Variants in ALKBH3 observed in about 807,000 individuals in gnomAD.
ALKBH3 encodes alkB homolog 3, alpha-ketoglutarate dependent dioxygenase, also known as alpha-ketoglutarate-dependent dioxygenase alkB homolog 3.
In ALKBH3, 51 loss-of-function variants were observed where a neutral mutation model predicts 43.9. The ratio of observed to expected loss-of-function variants is 1.16; its 90% CI spans 0.93 to 1.47. The LOEUF is 1.47. Ranked by LOEUF, ALKBH3 falls within the 40% of genes most tolerant of loss-of-function variation. The pLI is 0.00. For synonymous variants in ALKBH3, 102 were observed against 115.2 expected (o/e 0.89, Z 0.73); for missense variants, 361 against 351.9 (o/e 1.03, Z -0.21).
chr11:43,906,531 T>C (rs1951897087), intron 8 of ALKBH3, among the ~76,000 whole-genome samples: 1 of 152,136 alleles, frequency 6.6e-6, no homozygotes, highest in South Asian at 2.1e-4. Flanking sequence ...CTGGTGATTA[T>C]AGCACCTACT....
At position 43,892,518 on chromosome 11, in the gene ALKBH3, G is replaced by GA. The variant is rs542471013; in HGVS notation, c.459+397dup. 2.8e-4 allele frequency among the ~76,000 whole-genome samples: 42 copies of GA among 151,996 alleles called. 1 individual carries two copies. In the South Asian group the frequency reaches 6.4e-3, roughly 23 times the overall value. ...TTTCTCAGGCTCTTTTGCTATTTGT[G>GA]AAAAAAAATCTGATGTTTTTCTTGT... On this transcript the variant is annotated intron_variant, in intron 7 of 9. Transcript: ENST00000302708.
At position 43,919,126 on chromosome 11, in the gene ALKBH3, C is replaced by A. The variant is rs1952006810; in HGVS notation, c.758C>A (p.Ala253Asp). 2 of 1,612,506 alleles carry A rather than the reference C, an allele frequency of 1.2e-6. No individual in the cohort carries two copies. The highest frequency in any genetic ancestry group is 1.3e-5 in the African/African-American group (1 of 75,056). The change falls in exon 9 of 10, where the codon GCT (alanine) becomes GAT (aspartate). Residue 253 changes from alanine to aspartate, a missense_variant. By Grantham distance (126) the Ala-to-Asp change is moderately radical. Transcript: ENST00000302708. ...TLLIMEGATQADWQHRVPKEY... is the reference protein window; with the variant it reads ...TLLIMEGATQDDWQHRVPKEY... The stretch of plus-strand genomic sequence containing the variant: ...TTAATCATGGAAGGAGCGACACAAG[C>A]TGACTGGCAGGTGAGGATCTGCAAG...
intron 3 of ALKBH3, among the ~76,000 whole-genome samples, chr11:43,883,700 A>G (rs1951729305): frequency 6.6e-6 from 1 of 152,182 alleles, no homozygotes; most frequent in Non-Finnish European, 1.5e-5. Flanking sequence ...ATTTTATAGC[A>G]TATTTTCTAT....
intron 8 of ALKBH3, among the ~76,000 whole-genome samples, chr11:43,915,777 G>A (rs1951978851): frequency 6.6e-6 from 1 of 152,168 alleles, no homozygotes; most frequent in Admixed American, 6.6e-5. Context: ...TTGTATATCT[G>A]GAAGACTCTG....
chr11:43,898,629 G>A (rs1951837776), intron 7 of ALKBH3: 1 of 734,762 alleles, frequency 1.4e-6, no homozygotes, highest in Non-Finnish European at 2.5e-6. Flanking sequence ...ACTTGGAAGG[G>A]GTGAACATGC....
At position 43,919,029 on chromosome 11, in the gene ALKBH3, G is replaced by T. The variant is rs1952005689; in HGVS notation, c.670-9G>T. ...CAAAACATTTATTACAACAAATGCT[G>T]TTTTCTAGGAAGAGAATGGAGACTA... On this transcript the variant is annotated splice_polypyrimidine_tract_variant and intron_variant, in intron 8 of 9. Transcript: ENST00000302708. 2 of 1,593,148 alleles carry T rather than the reference G, an allele frequency of 1.3e-6. No individual in the cohort carries two copies. The highest frequency in any genetic ancestry group is 1.7e-6 in the Non-Finnish European group (2 of 1,161,300).
At chr11:43,882,336 A>C (rs1463829826) in intron 1 of ALKBH3, among the ~76,000 whole-genome samples, 1 of 152,232 alleles carries the variant, frequency 6.6e-6, no homozygotes, top group Non-Finnish European at 1.5e-5. Flanking sequence ...TAATTTTAGA[A>C]TTTCTTAAAA....
chr11:43,885,658 C>T (rs1003123941), intron 4 of ALKBH3, among the ~76,000 whole-genome samples: 3 of 152,226 alleles, frequency 2.0e-5, no homozygotes, highest in African/African-American at 7.2e-5. Context: ...TTATACATTT[C>T]CACATTTGAT....
chr11:43,896,977 G>A (rs774181382), intron 7 of ALKBH3, among the ~76,000 whole-genome samples: 2 of 150,480 alleles, frequency 1.3e-5, no homozygotes, highest in Non-Finnish European at 3.0e-5. Context: ...TTGCTCTGTT[G>A]CCCAGGCTAG....
At chr11:43,884,801 G>A (rs2135175979) in intron 4 of ALKBH3, among the ~76,000 whole-genome samples, 1 of 152,172 alleles carries the variant, frequency 6.6e-6, no homozygotes, top group East Asian at 1.9e-4. Context: ...ACTCAGGCTG[G>A]AGTGCAGTGG....
At chr11:43,898,986 A>G (rs2135189682) in intron 7 of ALKBH3, 2 of 754,066 alleles carry the variant, frequency 2.7e-6, no homozygotes, top group Non-Finnish European at 5.0e-6. Context: ...CAAGCTCTGG[A>G]CTGAGACCAT....
rs748736572 is a variant in ALKBH3 at position 43,901,642 on chromosome 11, C to CCCT, written c.588_590dup (p.Ser197dup). 2 of 1,614,114 alleles carry CCCT rather than the reference C, an allele frequency of 1.2e-6. No homozygotes were observed. The highest frequency in any genetic ancestry group is 2.7e-5 in the African/African-American group (2 of 74,922). On this transcript the variant is annotated inframe_insertion, in exon 8 of 10. Coordinates refer to ENST00000302708, the MANE Select transcript of ALKBH3 (RefSeq NM_139178.4). The stretch of plus-strand genomic sequence containing the variant: ...CGTGGACTGGCACAGTGATGATGAA[C>CCCT]CCTCACTAGGGAGGTGCCCCATTAT...
At chr11:43,900,540 G>A (rs1394273242) in intron 7 of ALKBH3, among the ~76,000 whole-genome samples, 1 of 152,094 alleles carries the variant, frequency 6.6e-6, no homozygotes. Flanking sequence ...CATTTTAAAT[G>A]AATTAACCAG....
intron 8 of ALKBH3, among the ~76,000 whole-genome samples, chr11:43,907,781 G>C (rs1362997177): frequency 6.6e-6 from 1 of 152,146 alleles, no homozygotes; most frequent in Non-Finnish European, 1.5e-5. Flanking sequence ...GCAGGCACCA[G>C]GGCATGCAGA....
chr11:43,901,045 G>A (rs1413423090), intron 7 of ALKBH3, among the ~76,000 whole-genome samples: 1 of 152,188 alleles, frequency 6.6e-6, no homozygotes, highest in African/African-American at 2.4e-5. Flanking sequence ...GGATAAAATA[G>A]GAATAGAACG....
chr11:43,886,872 A>T (rs1480927452), intron 5 of ALKBH3, among the ~76,000 whole-genome samples: 1 of 152,180 alleles, frequency 6.6e-6, no homozygotes, highest in African/African-American at 2.4e-5. Context: ...CAAATACTGC[A>T]TGTTCTCACT....
chr11:43,917,139 G>A (rs1285064868), intron 8 of ALKBH3, among the ~76,000 whole-genome samples: 1 of 152,190 alleles, frequency 6.6e-6, no homozygotes, highest in Non-Finnish European at 1.5e-5. Flanking sequence ...AAACCAACCT[G>A]AGACTTTCTC....
chr11:43,918,616 G>A (rs1266023944), intron 8 of ALKBH3, among the ~76,000 whole-genome samples: 1 of 152,204 alleles, frequency 6.6e-6, no homozygotes, highest in Non-Finnish European at 1.5e-5. Context: ...CCCACACTGA[G>A]TATGTCAAAA....
Position 43,883,087 on chromosome 11 carries a change from A to T in ALKBH3, c.82A>T (p.Thr28Ser), listed in dbSNP as rs142938070. ...VKSQAIAQPA[T>S]TAKSHLHQKP... The stretch of plus-strand genomic sequence containing the variant: ...GGCTGTCCCCTCTCTTGCTTCAGCT[A>T]CCACTGCTAAGAGCCATCTCCACCA... Residue 28 changes from threonine (T) to serine (S), a missense_variant and splice_region_variant, in exon 3 of 10, where the codon ACC becomes TCC. Physicochemically the swap from Thr to Ser is moderately conservative, Grantham distance 58. Transcript: ENST00000302708. 9.9e-6 allele frequency: 16 copies of T among 1,613,566 alleles called. No homozygotes were observed. The African/African-American group carries it at 1.2e-4, about 12-fold the overall frequency.
Sources: gnomAD v4.1 joint callset for allele counts (sites outside exome capture counted in the v4.1 genomes callset) on GRCh38, gnomAD v4.1.1 for gene constraint, MANE v1.5 for transcripts, NCBI Gene and HGNC (gene_info 2026-07-23, HGNC 2026-07-21) for gene names.